The following GAB1 variants were observed in gnomAD, a reference collection of about 807,000 sequenced individuals.
GAB1 encodes the protein GRB2 associated binding protein 1.
Under a neutral mutation model 66.5 loss-of-function variants are expected in GAB1, and 19 were observed. The ratio of observed to expected loss-of-function variants is 0.29; its 90% CI spans 0.20 to 0.42. The LOEUF is 0.42. Among genes scored for constraint, GAB1 ranks in the 10% least tolerant of loss-of-function variants. The pLI is 1.00. For missense variants in GAB1, 732 were observed against 858.5 expected (o/e 0.85, Z 1.84); for synonymous variants, 294 against 301.4 (o/e 0.98, Z 0.25).
chr4:143,467,439 G>A (rs1735852385), intron 9 of GAB1, among the ~76,000 whole-genome samples: 1 of 152,138 alleles, frequency 6.6e-6, no homozygotes. Context: ...GAAAGTCTCA[G>A]TCACTATTCA....
At chr4:143,415,335 TG>T in intron 1 of GAB1, 141 bp from the exon 2 acceptor site, 1 of 643,588 alleles carries the variant, frequency 1.6e-6, no homozygotes, top group Non-Finnish European at 2.6e-6. Context: ...GATTATCCTG[TG>T]GTAAAAACAC....
chr4:143,411,144 T>C (rs1732365833), intron 1 of GAB1, among the ~76,000 whole-genome samples: 1 of 151,360 alleles, frequency 6.6e-6, no homozygotes, highest in Non-Finnish European at 1.5e-5. Context: ...GATTTAGGGG[T>C]GGAGATGGGG....
chr4:143,347,634 T>G (rs1729032706), intron 1 of GAB1, among the ~76,000 whole-genome samples: 1 of 152,212 alleles, frequency 6.6e-6, no homozygotes, highest in East Asian at 1.9e-4. Context: ...GTGAACACTG[T>G]TTTCACCTTT....
At chr4:143,394,554 A>G (rs1173086177) in intron 1 of GAB1, among the ~76,000 whole-genome samples, 1 of 152,220 alleles carries the variant, frequency 6.6e-6, no homozygotes, top group African/African-American at 2.4e-5. Flanking sequence ...TCACATGTAT[A>G]CAAAAGCATC....
chr4:143,421,680 TTTCTTTTC>T (rs1228126058), intron 2 of GAB1, among the ~76,000 whole-genome samples: 1 of 125,362 alleles, frequency 8.0e-6, no homozygotes, highest in Non-Finnish European at 1.7e-5. Flanking sequence ...TTTTTCTTTT[TTTCTTTTC>T]TTTTCTTTTC....
At chr4:143,466,706 T>C (rs1560791289) in intron 9 of GAB1, among the ~76,000 whole-genome samples, 1 of 151,928 alleles carries the variant, frequency 6.6e-6, no homozygotes, top group Non-Finnish European at 1.5e-5. Context: ...GCCAGAATGG[T>C]CTTGAACTCC....
chr4:143,337,169 G>T lies in GAB1; in HGVS notation c.-20G>T. On this transcript the variant is annotated 5_prime_UTR_variant, in exon 1 of 10. Coordinates refer to ENST00000262994, the MANE Select transcript of GAB1 (RefSeq NM_002039.4). The stretch of plus-strand genomic sequence containing the variant: ...CGCCGCCCCTCAGCTGCCCGGCCCG[G>T]AGCCCGAGACGCGCGCACCATGAGC... 1.3e-6 allele frequency: 2 copies of T among 1,564,940 alleles called. No individual in the cohort carries two copies. Among genetic ancestry groups the T allele is most frequent in the Non-Finnish European group, 8.7e-7 (1 of 1,154,338 alleles).
At chr4:143,448,843 G>C (rs1578734764) in intron 6 of GAB1, among the ~76,000 whole-genome samples, 1 of 150,524 alleles carries the variant, frequency 6.6e-6, no homozygotes, top group African/African-American at 2.5e-5. Context: ...TTTTGAATGT[G>C]TTTGCTCTTG....
chr4:143,383,382 A>G (rs1330034319), intron 1 of GAB1, among the ~76,000 whole-genome samples: 1 of 152,192 alleles, frequency 6.6e-6, no homozygotes, highest in Non-Finnish European at 1.5e-5. Context: ...CTCTTATAGA[A>G]CCCAATGAAA....
intron 6 of GAB1, among the ~76,000 whole-genome samples, chr4:143,443,271 C>A (rs9684453): frequency 0.34 from 51,108 of 151,834 alleles, 8,839 homozygotes; most frequent in African/African-American, 0.42. Flanking sequence ...CTGCCTCGGC[C>A]TTCCAAAGTG....
In GAB1 at chr4:143,458,832, G is replaced by A. The variant is rs377710135; in HGVS notation, c.1586-553G>A. Among the ~76,000 whole-genome samples, 17 of 151,828 alleles carry A rather than the reference G, an allele frequency of 1.1e-4. No individual in the cohort carries two copies. In the East Asian group the frequency reaches 1.4e-3, roughly 12 times the overall value. ...GATCTAAAGATACAAATATTGTTTC[G>A]TTTTGTTTGTTTCCAGACTGTGCAT... On this transcript the variant is annotated intron_variant, in intron 6 of 9. Coordinates refer to ENST00000262994, the MANE Select transcript of GAB1 (RefSeq NM_002039.4).
chr4:143,464,758 G>A (rs187400767), intron 8 of GAB1, among the ~76,000 whole-genome samples: 1 of 152,198 alleles, frequency 6.6e-6, no homozygotes, highest in African/African-American at 2.4e-5. Flanking sequence ...TTAATAATTT[G>A]CAAAAAGGTT....
intron 6 of GAB1, among the ~76,000 whole-genome samples, chr4:143,456,209 G>A (rs1288656871): frequency 5.3e-5 from 8 of 152,174 alleles, no homozygotes; most frequent in Admixed American, 6.5e-5. Context: ...TGTAATCCCA[G>A]CACTTTGGGA....
At chr4:143,401,519 A>T (rs1487698582) in intron 1 of GAB1, among the ~76,000 whole-genome samples, 1 of 152,212 alleles carries the variant, frequency 6.6e-6, no homozygotes, top group Non-Finnish European at 1.5e-5. Context: ...GTTAAGTTAG[A>T]AAGTAAATAA....
At chr4:143,465,290 TC>T (rs1735722998) in intron 8 of GAB1, among the ~76,000 whole-genome samples, 2 of 152,216 alleles carry the variant, frequency 1.3e-5, no homozygotes, top group African/African-American at 2.4e-5. Context: ...AGTTTTTTGT[TC>T]CTGCTGTTTA....
chr4:143,337,214 C>A lies in GAB1; in HGVS notation c.26C>A (p.Ser9Tyr). ...ATGAGCGGTGGTGAAGTGGTCTGCT[C>A]CGGATGGCTCCGCAAGTCCCCCCCG... MSGGEVVC[S>Y]GWLRKSPPEK... The change falls in exon 1 of 10, where the codon TCC becomes TAC. Residue 9 changes from serine to tyrosine, a missense_variant. This residue lies in a region of GAB1 where 35 missense variants were observed against 30.8 expected (regional missense o/e 1.13). Coordinates refer to ENST00000262994, the MANE Select transcript of GAB1 (RefSeq NM_002039.4). 1 of 1,585,026 alleles carries A rather than the reference C, an allele frequency of 6.3e-7. No homozygotes were observed. Among genetic ancestry groups the A allele is most frequent in the Admixed American group, 1.8e-5 (1 of 55,090 alleles).
intron 1 of GAB1, chr4:143,395,902 G>C: frequency 4.4e-6 from 2 of 455,426 alleles, no homozygotes; most frequent in Non-Finnish European, 8.8e-6. Flanking sequence ...CCGCCCCCGG[G>C]AGAGCAGCGT....
At chr4:143,431,748 C>T (rs954836937) in intron 2 of GAB1, among the ~76,000 whole-genome samples, 1 of 152,190 alleles carries the variant, frequency 6.6e-6, no homozygotes, top group African/African-American at 2.4e-5. Flanking sequence ...ACAGGTCACA[C>T]TTCCAAGGAC....
intron 1 of GAB1, among the ~76,000 whole-genome samples, chr4:143,347,669 A>G (rs1729034630): frequency 6.6e-6 from 1 of 152,230 alleles, no homozygotes; most frequent in Admixed American, 6.5e-5. Flanking sequence ...GCTAGGGGAC[A>G]TAGGTTGCAC....
Sources: allele counts gnomAD v4.1 joint callset (sites outside exome capture counted in the v4.1 genomes callset), GRCh38; gene constraint gnomAD v4.1.1; regional missense constraint gnomAD v4.1.1; transcripts MANE v1.5; gene names NCBI Gene and HGNC (gene_info 2026-07-23, HGNC 2026-07-21).